Variants in DHPS observed in about 807,000 individuals in gnomAD.
DHPS encodes migration-inducing gene 13.
In DHPS, 24 loss-of-function variants were observed where a neutral mutation model predicts 38.7. That is an observed-to-expected ratio of 0.62 (90% CI 0.45 to 0.87). The LOEUF (loss-of-function observed/expected upper bound fraction) is 0.87. Ranked by LOEUF, DHPS falls within the 40% of genes least tolerant of loss-of-function variation. DHPS has a pLI of 0.00. For missense variants in DHPS, 510 were observed against 497.6 expected (o/e 1.02, Z -0.24); for synonymous variants, 250 against 204.4 (o/e 1.22, Z -1.90).
Position 12,681,728 on chromosome 19 carries a change from C to T in DHPS, c.39G>A (p.Ala13=). 2 of 1,612,710 alleles carry T rather than the reference C, an allele frequency of 1.2e-6. No individual in the cohort carries two copies. Among genetic ancestry groups the T allele is most frequent in the Non-Finnish European group, 8.5e-7 (1 of 1,179,956 alleles). ...GSLEREAPAG[A]LAAVLKHSST... ...AGCTGTGCTTTAGCACGGCGGCCAG[C>T]GCCCCCGCTGGCGCCTCCCGTTCCA... The change falls in exon 1 of 9, where the codon GCG becomes GCA. Residue 13 remains alanine, a synonymous_variant. Transcript: ENST00000210060.
intron 5 of DHPS, among the ~76,000 whole-genome samples, chr19:12,679,096 G>A (rs564107535): frequency 1.3e-5 from 2 of 152,082 alleles, no homozygotes; most frequent in South Asian, 2.1e-4. Context: ...AGGAGTTCAA[G>A]ACCAGCCTGG....
chr19:12,679,182 C>T (rs1424137073), intron 5 of DHPS, among the ~76,000 whole-genome samples: 1 of 151,886 alleles, frequency 6.6e-6, no homozygotes, highest in Non-Finnish European at 1.5e-5. Flanking sequence ...CCTGTGGTCC[C>T]AGCTACTCGA....
At chr19:12,678,444 G>A (rs535785758) in intron 5 of DHPS, among the ~76,000 whole-genome samples, 7 of 152,118 alleles carry the variant, frequency 4.6e-5, no homozygotes, top group Non-Finnish European at 1.0e-4. Flanking sequence ...TCCAGCCTGG[G>A]AAACAGAATG....
At position 12,681,840 on chromosome 19, in the gene DHPS, C is replaced by G. The variant is rs189712622; in HGVS notation, c.-74G>C. 16 of 1,323,870 alleles carry G rather than the reference C, an allele frequency of 1.2e-5. No homozygotes were observed. Among genetic ancestry groups the G allele is most frequent in the African/African-American group, 1.4e-5 (1 of 69,092 alleles). The allele number at this position is 1,323,870 out of a possible 1,614,324, so 82.0% of individuals were successfully genotyped here. A position where few individuals can be genotyped will look rare whatever the true frequency, so the allele number is the denominator to read the frequency against. On this transcript the variant is annotated 5_prime_UTR_variant, in exon 1 of 9. Transcript: ENST00000210060. ...CGGCGGCCCAGAAACGCGTTAAACC[C>G]CGACGCGCGCGTCTCCGCAAGAGCA...
Position 12,681,712 on chromosome 19 carries a change from TTAGCACGGCGGC to T in DHPS, c.43_54del (p.Ala15_Leu18del). Reference sequence around the variant, plus strand: ...TCGGGCGGCAACGTCGAGCTGTGCTTTAGCACGGCGGCCAGCGCCCCCGCTGGCGCCTCCCGT... The same window carrying T: ...TCGGGCGGCAACGTCGAGCTGTGCTTCAGCGCCCCCGCTGGCGCCTCCCGT... On this transcript the variant is annotated inframe_deletion, in exon 1 of 9. Coordinates refer to ENST00000210060, the MANE Select transcript of DHPS (RefSeq NM_001930.4). 6.2e-7 allele frequency: 1 copy of T among 1,613,718 alleles called. No individual in the cohort carries two copies. The highest frequency in any genetic ancestry group is 8.5e-7 in the Non-Finnish European group (1 of 1,180,006).
In DHPS at chr19:12,681,828, A is replaced by C; in HGVS notation, c.-62T>G. ...AGGCCGGGCTTACGGCGGCCCAGAA[A>C]CGCGTTAAACCCCGACGCGCGCGTC... On this transcript the variant is annotated 5_prime_UTR_variant, in exon 1 of 9. Transcript: ENST00000210060. 1 of 1,465,720 alleles carries C rather than the reference A, an allele frequency of 6.8e-7. No individual in the cohort carries two copies. The highest frequency in any genetic ancestry group is 9.4e-7 in the Non-Finnish European group (1 of 1,069,162). The allele number at this position is 1,465,720 out of a possible 1,614,324, so 90.8% of individuals were successfully genotyped here. A position where few individuals can be genotyped will look rare whatever the true frequency, so the allele number is the denominator to read the frequency against.
chr19:12,675,470 A>C (rs2145335306), downstream of DHPS: 5 of 1,576,820 alleles, frequency 3.2e-6, no homozygotes, highest in South Asian at 5.6e-5. Context: ...GGACCTCAGA[A>C]ACCAGGGTAC....
Position 12,676,011 on chromosome 19 carries a change from G to A in DHPS, c.1014+6C>T, listed in dbSNP as rs367633651. ...AGACCCTATGCCCCACCCAGCCAGC[G>A]CTTACCTTGACGGGCTGTGCATCCA... On this transcript the variant is annotated splice_donor_region_variant and intron_variant, in intron 8 of 8. Transcript: ENST00000210060. 39 of 1,613,412 alleles carry A rather than the reference G, an allele frequency of 2.4e-5. No homozygotes were observed. Among genetic ancestry groups the A allele is most frequent in the Middle Eastern group, 1.7e-4 (1 of 6,056 alleles).
chr19:12,672,966 G>A (rs771913105), downstream of DHPS: 4 of 1,598,004 alleles, frequency 2.5e-6, no homozygotes, highest in East Asian at 6.8e-5. Flanking sequence ...GGGCCAACCA[G>A]GGGCACCCCA....
In DHPS at chr19:12,679,832, C is replaced by G. The variant is rs747742043; in HGVS notation, c.463G>C (p.Gly155Arg). ...ATCCCGTTCTCCCGGAGCTCCTTCCCCCTGAGGCTAAACTCGCCCAAGTAT... is the reference window on the plus strand; with the variant it reads ...ATCCCGTTCTCCCGGAGCTCCTTCCGCCTGAGGCTAAACTCGCCCAAGTAT... ...PTYLGEFSLRGKELRENGINR... is the reference protein window; with the variant it reads ...PTYLGEFSLRRKELRENGINR... The change falls in exon 3 of 9, where the codon GGG (glycine) becomes CGG (arginine). Residue 155 changes from glycine (G) to arginine (R), a missense_variant. Transcript: ENST00000210060. 10 of 1,614,064 alleles carry G rather than the reference C, an allele frequency of 6.2e-6. No homozygotes were observed. In the East Asian group the frequency reaches 2.2e-4, roughly 36 times the overall value.
At chr19:12,680,036 A>G in intron 2 of DHPS, 114 bp from the exon 3 acceptor site, 3 of 1,555,480 alleles carry the variant, frequency 1.9e-6, no homozygotes, top group Non-Finnish European at 2.6e-6. Context: ...CTCTGCTACA[A>G]AACAAAACTT....
downstream of DHPS, chr19:12,672,581 C>G: frequency 2.0e-6 from 1 of 491,888 alleles, no homozygotes; most frequent in South Asian, 2.1e-5. Context: ...GCACTCCAGC[C>G]TGAGCAACAA....
At chr19:12,674,782 A>G (rs778052671), downstream of DHPS, among the ~76,000 whole-genome samples, 1 of 152,174 alleles carries the variant, frequency 6.6e-6, no homozygotes, top group Non-Finnish European at 1.5e-5. Flanking sequence ...CTAGAAGCAG[A>G]GCCAAGAGGA....
rs891403796 is a variant in DHPS, at chr19:12,681,601, C to T, written c.166G>A (p.Ala56Thr). ...LEAFGTTGFQ[A>T]TNFGRAVQQV... is the part of the protein sequence containing the mutation. ...TGTACAGCGCGCCCGAAGTTGGTTG[C>T]TTGGAAGCCGGTGGTGCCGAAGGCC... Residue 56 changes from alanine to threonine, a missense_variant, in exon 1 of 9, where the codon GCA becomes ACA. By Grantham distance (58) the Ala-to-Thr change is moderately conservative. Transcript: ENST00000210060. 6.2e-7 allele frequency: 1 copy of T among 1,614,266 alleles called. No individual in the cohort carries two copies. Among genetic ancestry groups the T allele is most frequent in the Non-Finnish European group, 8.5e-7 (1 of 1,180,040 alleles).
chr19:12,676,274 C>G, intron 7 of DHPS, 132 bp from the exon 8 acceptor site: 1 of 1,142,008 alleles, frequency 8.8e-7, no homozygotes, highest in Non-Finnish European at 1.2e-6. Context: ...ACATTCGCTC[C>G]CAGACAGGGC....
downstream of DHPS, chr19:12,675,558 TGTG>T (rs2024549663): frequency 6.2e-7 from 1 of 1,606,136 alleles, no homozygotes; most frequent in African/African-American, 1.3e-5. Context: ...TGGGTTCCGG[TGTG>T]GTGCAGTCGC....
intron 5 of DHPS, 33 bp from the exon 6 acceptor site, chr19:12,677,429 C>T: frequency 6.3e-7 from 1 of 1,580,138 alleles, no homozygotes; most frequent in Non-Finnish European, 8.7e-7. Context: ...GTGGCTGGAG[C>T]TCAGAGCCTC....
At chr19:12,678,677 G>A in intron 5 of DHPS, among the ~76,000 whole-genome samples, 1 of 148,394 alleles carries the variant, frequency 6.7e-6, no homozygotes, top group East Asian at 2.0e-4. Context: ...GGTGAGGCGG[G>A]AGAATCACTT....
At position 12,681,640 on chromosome 19, in the gene DHPS, G is replaced by A. The variant is rs367724049; in HGVS notation, c.127C>T (p.Arg43Cys). ...GYDFNRGVNY[R>C]ALLEAFGTTG... Reference sequence around the variant, plus strand: ...GTGCCGAAGGCCTCCAGCAGTGCGCGGTAATTCACACCGCGGTTGAAGTCG... The same window carrying A: ...GTGCCGAAGGCCTCCAGCAGTGCGCAGTAATTCACACCGCGGTTGAAGTCG... Residue 43 changes from arginine to cysteine, a missense_variant, in exon 1 of 9, where the codon CGC becomes TGC. By Grantham distance (180) the Arg-to-Cys change is radical. Transcript: ENST00000210060. The A allele has an allele frequency of 1.2e-6, 2 of 1,614,204 alleles. No homozygotes were observed. Among genetic ancestry groups the A allele is most frequent in the Non-Finnish European group, 1.7e-6 (2 of 1,180,038 alleles).
Sources: gnomAD v4.1 joint callset for allele counts (sites outside exome capture counted in the v4.1 genomes callset) on GRCh38, gnomAD v4.1.1 for gene constraint, MANE v1.5 for transcripts, NCBI Gene and HGNC (gene_info 2026-07-23, HGNC 2026-07-21) for gene names.